The following NELL1 variants were observed in gnomAD, a reference collection of about 807,000 sequenced individuals.
NELL1 encodes the protein neural EGFL like 1, also known as protein kinase C-binding protein NELL1.
Under a neutral mutation model 107.4 loss-of-function variants are expected in NELL1, and 76 were observed. The ratio of observed to expected loss-of-function variants is 0.71; its 90% confidence interval spans 0.59 to 0.86. The LOEUF is 0.86. Among genes scored for constraint, NELL1 ranks in the 40% least tolerant of loss-of-function variants. NELL1 has a pLI of 0.00. For missense variants in NELL1, 1,024 were observed against 1,005.5 expected (o/e 1.02, Z -0.25); for synonymous variants, 353 against 341.2 (o/e 1.03, Z -0.38).
intron 15 of NELL1, among the ~76,000 whole-genome samples, chr11:21,372,044 A>G (rs1241780435): frequency 6.6e-6 from 1 of 152,090 alleles, no homozygotes; most frequent in Non-Finnish European, 1.5e-5. Context: ...AGTGAACAAT[A>G]TTTGCACCAC....
chr11:20,720,202 GTTTTT>G (rs72275946), intron 2 of NELL1, among the ~76,000 whole-genome samples: 2 of 141,058 alleles, frequency 1.4e-5, no homozygotes, highest in South Asian at 4.4e-4. Flanking sequence ...GTTCATTCCT[GTTTTT>G]TTTTTTTTTC....
intron 2 of NELL1, among the ~76,000 whole-genome samples, chr11:20,732,834 A>G (rs1010876754): frequency 6.6e-6 from 1 of 152,160 alleles, no homozygotes; most frequent in Admixed American, 6.5e-5. Context: ...CTTTTGTATC[A>G]TTTAGACCTG....
intron 14 of NELL1, among the ~76,000 whole-genome samples, chr11:21,343,626 G>T (rs1490851046): frequency 1.3e-5 from 2 of 152,108 alleles, no homozygotes; most frequent in Non-Finnish European, 2.9e-5. Flanking sequence ...AGATATTTTA[G>T]CTTTGTGTAG....
chr11:21,534,477 C>G lies in NELL1; in HGVS notation c.1749C>G (p.Asp583Glu). 1 of 1,613,830 alleles carries G rather than the reference C, an allele frequency of 6.2e-7. No homozygotes were observed. The highest frequency in any genetic ancestry group is 1.1e-5 in the South Asian group (1 of 91,076). The change falls in exon 16 of 20, where the codon GAC becomes GAG. Residue 583 changes from aspartate (D) to glutamate (E), a missense_variant. By Grantham distance (45) the Asp-to-Glu change is conservative. Coordinates refer to ENST00000357134, the MANE Select transcript of NELL1 (RefSeq NM_006157.5). Reference sequence around the variant, plus strand: ...GTGAGTGCAGAAGCGGTTTCCATGACGATGGGACCTATTCACTGTCCGGGG... The same window carrying G: ...GTGAGTGCAGAAGCGGTTTCCATGAGGATGGGACCTATTCACTGTCCGGGG... ...YHCECRSGFHDDGTYSLSGES... is the reference protein window; with the variant it reads ...YHCECRSGFHEDGTYSLSGES...
intron 14 of NELL1, among the ~76,000 whole-genome samples, chr11:21,322,909 A>G (rs113046520): frequency 3.9e-5 from 6 of 152,148 alleles, no homozygotes; most frequent in African/African-American, 1.4e-4. Context: ...CCATGATGCC[A>G]TTAGACCCTC....
intron 14 of NELL1, among the ~76,000 whole-genome samples, chr11:21,274,453 G>C (rs550802835): frequency 5.9e-5 from 9 of 152,186 alleles, no homozygotes; most frequent in Non-Finnish European, 1.0e-4. Flanking sequence ...AACAATGGGA[G>C]ACTTTAACAC....
intron 15 of NELL1, among the ~76,000 whole-genome samples, chr11:21,474,635 T>C (rs1854276440): frequency 6.6e-6 from 1 of 152,110 alleles, no homozygotes; most frequent in African/African-American, 2.4e-5. Context: ...TGCACCAAAA[T>C]TACTTTGAAG....
intron 3 of NELL1, among the ~76,000 whole-genome samples, chr11:20,808,797 C>T (rs545418064): frequency 9.2e-5 from 14 of 152,306 alleles, no homozygotes; most frequent in Admixed American, 7.2e-4. Flanking sequence ...AATGCAAAGT[C>T]CCACAATCAT....
intron 12 of NELL1, among the ~76,000 whole-genome samples, chr11:21,065,728 G>C (rs1315295523): frequency 6.6e-6 from 1 of 152,168 alleles, no homozygotes; most frequent in African/African-American, 2.4e-5. Context: ...AATGGCAAAA[G>C]ATTTTGCAAT....
At chr11:21,237,893 A>C (rs1175406069) in intron 14 of NELL1, among the ~76,000 whole-genome samples, 2 of 152,024 alleles carry the variant, frequency 1.3e-5, no homozygotes, top group Admixed American at 6.6e-5. Context: ...TTCTTTGCCT[A>C]GGTAATTGTG....
intron 3 of NELL1, among the ~76,000 whole-genome samples, chr11:20,836,621 C>CT (rs34402812): frequency 0.032 from 4,860 of 150,842 alleles, 90 homozygotes; most frequent in Middle Eastern, 0.055. Context: ...ACAGGTGAAA[C>CT]TTTTTTTTTT....
At position 20,673,010 on chromosome 11, in the gene NELL1, GCAC is replaced by G. The variant is rs554822353; in HGVS notation, c.55+3239_55+3241del. On this transcript the variant is annotated intron_variant, in intron 1 of 19. Transcript: ENST00000357134. ...CCCGAGTAGCTGGGATTACAGGCAT[GCAC>G]CACCACGCCTAGCTAATTTTGTATT... Among the ~76,000 whole-genome samples, 152 of 133,144 alleles carry G rather than the reference GCAC, an allele frequency of 1.1e-3. 4 individuals carry two copies. The highest frequency in any genetic ancestry group is 5.4e-3 in the South Asian group (23 of 4,286). 87.3% of individuals were successfully genotyped at this position (133,144 alleles called of 152,430 possible). A position where few individuals can be genotyped will look rare whatever the true frequency, so the allele number is the denominator to read the frequency against.
intron 15 of NELL1, among the ~76,000 whole-genome samples, chr11:21,510,841 T>A (rs1196810137): frequency 6.6e-6 from 1 of 152,222 alleles, no homozygotes; most frequent in Admixed American, 6.5e-5. Flanking sequence ...TAAGACCACC[T>A]TGGCTATTCT....
chr11:20,738,258 G>C (rs984667106), intron 2 of NELL1, among the ~76,000 whole-genome samples: 1 of 152,138 alleles, frequency 6.6e-6, no homozygotes, highest in Non-Finnish European at 1.5e-5. Flanking sequence ...TTGAGAGGCT[G>C]GCAGGAGGCA....
intron 15 of NELL1, among the ~76,000 whole-genome samples, chr11:21,398,073 G>A (rs1852019659): frequency 6.6e-6 from 1 of 151,216 alleles, no homozygotes; most frequent in Admixed American, 6.6e-5. Flanking sequence ...TTTAAAATAT[G>A]TATTTGCAAT....
chr11:21,161,903 A>G (rs116940306), intron 13 of NELL1, among the ~76,000 whole-genome samples: 7,058 of 149,376 alleles, frequency 0.047, 234 homozygotes, highest in South Asian at 0.12. Context: ...TGGATAGTAC[A>G]GTAAAAGTTC....
chr11:21,274,918 A>C (rs1029867121), intron 14 of NELL1, among the ~76,000 whole-genome samples: 1 of 152,236 alleles, frequency 6.6e-6, no homozygotes, highest in Admixed American at 6.5e-5. Context: ...AGGGAAATTT[A>C]TAGCACTAAA....
At chr11:21,431,845 G>A (rs1852974571) in intron 15 of NELL1, among the ~76,000 whole-genome samples, 1 of 152,066 alleles carries the variant, frequency 6.6e-6, no homozygotes, top group Non-Finnish European at 1.5e-5. Flanking sequence ...TTCTCAACAG[G>A]AGTAAAGTTA....
intron 15 of NELL1, among the ~76,000 whole-genome samples, chr11:21,520,281 T>C (rs913599966): frequency 9.9e-5 from 15 of 152,278 alleles, no homozygotes; most frequent in South Asian, 2.1e-4. Context: ...CAGTTTAAGA[T>C]ATCTCAAGTA....
Sources: allele counts gnomAD v4.1 joint callset (sites outside exome capture counted in the v4.1 genomes callset), GRCh38; gene constraint gnomAD v4.1.1; transcripts MANE v1.5; gene names NCBI Gene and HGNC (gene_info 2026-07-23, HGNC 2026-07-21).